The following PCDHGB1 variants were observed in gnomAD, a reference collection of about 807,000 sequenced individuals.
PCDHGB1 encodes protocadherin gamma-B1.
In PCDHGB1, 34 loss-of-function variants were observed where a neutral mutation model predicts 56.6. The observed-to-expected ratio is 0.60, with a 90% confidence interval of 0.46 to 0.80. PCDHGB1 has a LOEUF of 0.80. Ranked by LOEUF, PCDHGB1 falls within the 30% of genes least tolerant of loss-of-function variation. The pLI is 0.00. For missense variants in PCDHGB1, 1,278 were observed against 1,204.6 expected, an observed-to-expected ratio of 1.06 and a Z score of -0.90; for synonymous variants, 561 against 505.9, an observed-to-expected ratio of 1.11 and a Z score of -1.46.
At chr5:141,421,306 T>C (rs1356157966) in intron 1 of PCDHGB1, 1 of 1,613,564 alleles carries the variant, frequency 6.2e-7, no homozygotes, top group South Asian at 1.1e-5. Context: ...GCTGCGGGGG[T>C]TCCGGGCCAG....
chr5:141,413,170 A>G, intron 1 of PCDHGB1: 1 of 1,595,602 alleles, frequency 6.3e-7, no homozygotes, highest in Non-Finnish European at 8.5e-7. Flanking sequence ...CTGTAACCAG[A>G]CTACAATGGC....
intron 1 of PCDHGB1, chr5:141,411,753 A>G (rs1006054735): frequency 6.5e-5 from 10 of 152,756 alleles, no homozygotes; most frequent in African/African-American, 2.4e-4. Context: ...GTGGTGGCAC[A>G]TGCCTGTGGT....
chr5:141,351,338 A>G lies in PCDHGB1; in HGVS notation c.1078A>G (p.Thr360Ala). 6.2e-7 allele frequency: 1 copy of G among 1,613,576 alleles called. No individual in the cohort carries two copies. The highest frequency in any genetic ancestry group is 1.1e-5 in the South Asian group (1 of 91,010). ...NQIPEDSDLGTVIALIKVRDK... is the reference protein window; with the variant it reads ...NQIPEDSDLGAVIALIKVRDK... ...GATTCCAGAGGATTCAGACCTTGGA[A>G]CTGTAATAGCCCTCATAAAAGTGCG... Residue 360 changes from threonine to alanine, a missense_variant, in exon 1 of 4, where the codon ACT becomes GCT. Coordinates refer to ENST00000523390, the MANE Select transcript of PCDHGB1 (RefSeq NM_018922.3).
Position 141,374,129 on chromosome 5 carries a change from C to T in PCDHGB1, c.2409+21460C>T. 4 of 1,603,566 alleles carry T rather than the reference C, an allele frequency of 2.5e-6. No individual in the cohort carries two copies. In the South Asian group the frequency reaches 4.4e-5, roughly 18 times the overall value. On this transcript the variant is annotated intron_variant, in intron 1 of 3. Transcript: ENST00000523390. ...TCCGCAGCGCAGCGAGCAGGTCCTG[C>T]TCCTCACGCTCCTGGGGACGCTGTG... is the stretch of plus-strand genomic sequence containing the variant.
intron 1 of PCDHGB1, chr5:141,412,214 A>G (rs1196919276): frequency 6.6e-6 from 1 of 152,196 alleles, no homozygotes; most frequent in African/African-American, 2.4e-5. Context: ...TGACATAAAC[A>G]CTTACTTGTT....
In PCDHGB1 at chr5:141,455,477, C is replaced by T. The variant is rs557286491; in HGVS notation, c.2410-39330C>T. On this transcript the variant is annotated intron_variant, in intron 1 of 3. Coordinates refer to ENST00000523390, the MANE Select transcript of PCDHGB1 (RefSeq NM_018922.3). ...TACCAGCCAGGTATATATGCAGAGG[C>T]TGGTGGAGGTGATGTCTGATTTGCA... Among the ~76,000 whole-genome samples the T allele has an allele frequency of 1.2e-4, 18 of 152,252 alleles. No homozygotes were observed. The South Asian group carries it at 3.7e-3, about 32-fold the overall frequency.
intron 1 of PCDHGB1, chr5:141,382,950 C>T: frequency 6.2e-7 from 1 of 1,600,458 alleles, no homozygotes; most frequent in African/African-American, 1.3e-5. Context: ...TCCTGCTCTC[C>T]ATCCTCCTGG....
rs756525217 is a variant in PCDHGB1, at chr5:141,402,958, A to T, written c.2409+50289A>T. On this transcript the variant is annotated intron_variant, in intron 1 of 3. Coordinates refer to ENST00000523390, the MANE Select transcript of PCDHGB1 (RefSeq NM_018922.3). Reference sequence around the variant, plus strand: ...AATTCCAAAGCGAGGCAGCAATGGCAGCTCCAACCAAATGCCAGCTCCGCG... The same window carrying T: ...AATTCCAAAGCGAGGCAGCAATGGCTGCTCCAACCAAATGCCAGCTCCGCG... 48 of 1,602,110 alleles carry T rather than the reference A, an allele frequency of 3.0e-5. 1 individual carries two copies. The highest frequency in any genetic ancestry group is 8.5e-7 in the Non-Finnish European group (1 of 1,173,862).
intron 1 of PCDHGB1, chr5:141,361,331 A>G (rs752611157): frequency 6.2e-7 from 1 of 1,613,970 alleles, no homozygotes; most frequent in South Asian, 1.1e-5. Flanking sequence ...TCTTCCTCAA[A>G]GAACTATTAC....
intron 1 of PCDHGB1, among the ~76,000 whole-genome samples, chr5:141,381,770 A>G (rs1309418172): frequency 1.3e-5 from 2 of 151,484 alleles, no homozygotes; most frequent in Non-Finnish European, 2.9e-5. Flanking sequence ...TATATAATCA[A>G]TAATCAGGAA....
At chr5:141,371,815 T>A (rs966835739) in intron 1 of PCDHGB1, 1 of 1,613,856 alleles carries the variant, frequency 6.2e-7, no homozygotes, top group Non-Finnish European at 8.5e-7. Flanking sequence ...ATTGCGCATG[T>A]CAGAGCCTCG....
intron 1 of PCDHGB1, chr5:141,419,472 G>A (rs1392935171): frequency 6.2e-7 from 1 of 1,612,330 alleles, no homozygotes; most frequent in Non-Finnish European, 8.5e-7. Flanking sequence ...CGCGACCAGG[G>A]CTCGCCCGCG....
chr5:141,485,466 T>C lies in PCDHGB1; in HGVS notation c.2410-9341T>C, dbSNP rs1485922901. ...ATCGACCGAGAGGCACTGTGTGGGC[T>C]CAGTGCCAGCTGCATCGTGCCCCTG... On this transcript the variant is annotated intron_variant, in intron 1 of 3. Transcript: ENST00000523390. The surrounding 1 kb of genome is among the most constrained non-coding windows in gnomAD (Gnocchi z 5.7). 6.2e-7 allele frequency: 1 copy of C among 1,613,868 alleles called. No individual in the cohort carries two copies. Among genetic ancestry groups the C allele is most frequent in the Non-Finnish European group, 8.5e-7 (1 of 1,179,924 alleles).
chr5:141,383,349 T>C lies in PCDHGB1; in HGVS notation c.2409+30680T>C, dbSNP rs781308834. The C allele has an allele frequency of 1.1e-5, 18 of 1,613,856 alleles. No individual in the cohort carries two copies. The African/African-American group carries it at 2.4e-4, about 22-fold the overall frequency. On this transcript the variant is annotated intron_variant, in intron 1 of 3. Transcript: ENST00000523390. The stretch of plus-strand genomic sequence containing the variant: ...TAATGGAGAATACAGCTCCTGGGGT[T>C]CGGTTTCCGTTAAGCGAGGCTGGGG...
intron 1 of PCDHGB1, among the ~76,000 whole-genome samples, chr5:141,353,029 A>G (rs1246160441): frequency 6.6e-6 from 1 of 152,122 alleles, no homozygotes; most frequent in Admixed American, 6.5e-5. Context: ...TTTTCTTCTC[A>G]TTGGTGTATA....
chr5:141,399,610 C>T, intron 1 of PCDHGB1: 1 of 1,613,946 alleles, frequency 6.2e-7, no homozygotes, highest in Non-Finnish European at 8.5e-7. Flanking sequence ...CCTAGAGCCT[C>T]TGGCACTGGC....
intron 1 of PCDHGB1, among the ~76,000 whole-genome samples, chr5:141,473,185 G>A (rs1171761852): frequency 1.3e-5 from 2 of 152,188 alleles, no homozygotes; most frequent in Non-Finnish European, 2.9e-5. Flanking sequence ...ACTTGAAGGA[G>A]TAAATGTATC....
chr5:141,457,942 T>C (rs2098933338), intron 1 of PCDHGB1, among the ~76,000 whole-genome samples: 1 of 152,226 alleles, frequency 6.6e-6, no homozygotes, highest in Non-Finnish European at 1.5e-5. Flanking sequence ...TTATTGGCTC[T>C]GCATGTCAAG....
intron 1 of PCDHGB1, among the ~76,000 whole-genome samples, chr5:141,474,116 A>G (rs2099342954): frequency 1.3e-5 from 2 of 152,234 alleles, no homozygotes; most frequent in African/African-American, 4.8e-5. Flanking sequence ...AACAACAACG[A>G]AAATCTCAGA....
Sources: gnomAD v4.1 joint callset for allele counts (sites outside exome capture counted in the v4.1 genomes callset) on GRCh38, gnomAD v4.1.1 for gene constraint, Gnocchi (gnomAD v3.1) non-coding constraint, MANE v1.5 for transcripts, NCBI Gene and HGNC (gene_info 2026-07-23, HGNC 2026-07-21) for gene names.